Variants in BPIFC observed in about 807,000 individuals in gnomAD.
The protein encoded by BPIFC is BPI fold-containing family C protein.
In BPIFC, 60 loss-of-function variants were observed where a neutral mutation model predicts 57.6. That is an observed-to-expected ratio of 1.04 (90% CI 0.85 to 1.29). The LOEUF is 1.29. Among genes scored for constraint, BPIFC ranks in the 50% most tolerant of loss-of-function variants. The pLI, the probability that BPIFC is intolerant of heterozygous loss-of-function variation, is 0.00. For synonymous variants in BPIFC, 243 were observed against 224.5 expected (o/e 1.08, Z -0.74); for missense variants, 581 against 600.5 (o/e 0.97, Z 0.34).
chr22:32,457,500 A>C (rs1935064877), intron 2 of BPIFC, 114 bp from the exon 3 acceptor site: 9 of 1,194,526 alleles, frequency 7.5e-6, no homozygotes, highest in African/African-American at 3.1e-5. Flanking sequence ...AGAACTCAAT[A>C]CATCCATCCA....
chr22:32,447,624 T>TTTTTG (rs1934766712), intron 4 of BPIFC, among the ~76,000 whole-genome samples: 1 of 151,046 alleles, frequency 6.6e-6, no homozygotes, highest in Non-Finnish European at 1.5e-5. Flanking sequence ...TTTTTTTTTT[T>TTTTTG]GAGACAGGGT....
At chr22:32,415,763 A>C in intron 16 of BPIFC, 152 bp downstream of exon 16, 1 of 533,374 alleles carries the variant, frequency 1.9e-6, no homozygotes, top group South Asian at 2.7e-5. Context: ...TTGTGATTTA[A>C]GAACTAAACA....
At chr22:32,436,194 T>G (rs1225042907) in intron 9 of BPIFC, among the ~76,000 whole-genome samples, 1 of 152,158 alleles carries the variant, frequency 6.6e-6, no homozygotes, top group Non-Finnish European at 1.5e-5. Context: ...CTTGGGAGGC[T>G]GAGTGAGGTG....
At chr22:32,461,306 GGGGAGCAGTGTT>G (rs1935155702) in intron 2 of BPIFC, among the ~76,000 whole-genome samples, 1 of 152,196 alleles carries the variant, frequency 6.6e-6, no homozygotes, top group South Asian at 2.1e-4. Context: ...GAGGGAAACT[GGGGAGCAGTGTT>G]GGGAGCAGAG....
chr22:32,426,883 CTCTG>C, intron 13 of BPIFC, among the ~76,000 whole-genome samples: 4 of 131,810 alleles, frequency 3.0e-5, no homozygotes, highest in Middle Eastern at 7.6e-3. Flanking sequence ...CAGAGCAAGA[CTCTG>C]TCTGAAAAAA....
At chr22:32,422,166 T>G (rs1256783235) in intron 13 of BPIFC, among the ~76,000 whole-genome samples, 1 of 152,160 alleles carries the variant, frequency 6.6e-6, no homozygotes, top group Non-Finnish European at 1.5e-5. Context: ...AAGGAGATGA[T>G]GTCTGTGTTT....
At chr22:32,440,938 G>A (rs770542675) in intron 8 of BPIFC, among the ~76,000 whole-genome samples, 4 of 151,888 alleles carry the variant, frequency 2.6e-5, no homozygotes, top group African/African-American at 4.8e-5. Context: ...AAGCCAGACC[G>A]ATCTCCTTAA....
chr22:32,461,242 A>G (rs1935154109), intron 2 of BPIFC, among the ~76,000 whole-genome samples: 1 of 152,238 alleles, frequency 6.6e-6, no homozygotes, highest in Non-Finnish European at 1.5e-5. Flanking sequence ...TTATGAATCC[A>G]GCATGATATT....
At chr22:32,415,792 G>T in intron 16 of BPIFC, 123 bp downstream of exon 16, 1 of 606,650 alleles carries the variant, frequency 1.6e-6, no homozygotes. Context: ...AGATTCCCTG[G>T]TCTGGGAAAA....
rs201530292 is a variant in BPIFC at position 32,453,406 on chromosome 22, A to G, written c.222T>C (p.Asp74=). 1.3e-5 allele frequency: 21 copies of G among 1,591,290 alleles called. No homozygotes were observed. The Admixed American group carries it at 2.6e-4, about 20-fold the overall frequency. The change falls in exon 4 of 17, where the codon GAT becomes GAC. Residue 74 remains aspartate (D), a synonymous_variant. Coordinates refer to ENST00000300399, the MANE Select transcript of BPIFC (RefSeq NM_174932.3). Reference sequence around the variant, plus strand: ...ACTTTGAAAAATTGTAGTTTACATAATCAACTTTTAGAAATTCAAGAGACT... The same window carrying G: ...ACTTTGAAAAATTGTAGTTTACATAGTCAACTTTTAGAAATTCAAGAGACT... ...GSESLEFLKV[D]YVNYNFSNIK...
intron 13 of BPIFC, among the ~76,000 whole-genome samples, chr22:32,421,565 G>C (rs547474722): frequency 1.3e-5 from 2 of 152,234 alleles, no homozygotes; most frequent in African/African-American, 4.8e-5. Flanking sequence ...TACGTTACAG[G>C]CATGTCTGAT....
chr22:32,462,785 A>G (rs1276469169), intron 1 of BPIFC, among the ~76,000 whole-genome samples: 2 of 152,168 alleles, frequency 1.3e-5, no homozygotes, highest in Admixed American at 6.5e-5. Flanking sequence ...TTCATCTGGG[A>G]ATTTTAAATA....
chr22:32,429,562 GC>G (rs1468481611), intron 13 of BPIFC, among the ~76,000 whole-genome samples: 3 of 138,570 alleles, frequency 2.2e-5, no homozygotes, highest in Admixed American at 7.9e-5. Context: ...TGTTGCCCAG[GC>G]TGGAGTGCAG....
At chr22:32,439,636 A>ACAG (rs2145940855) in intron 8 of BPIFC, among the ~76,000 whole-genome samples, 2 of 151,388 alleles carry the variant, frequency 1.3e-5, no homozygotes, top group African/African-American at 4.8e-5. Context: ...TTTTTTTGAG[A>ACAG]CAGAGTCTTG....
chr22:32,453,888 G>A (rs1395281607), intron 3 of BPIFC, among the ~76,000 whole-genome samples: 2 of 151,916 alleles, frequency 1.3e-5, no homozygotes, highest in Non-Finnish European at 2.9e-5. Flanking sequence ...TTTGAAACCA[G>A]TCTGGGAAAC....
In BPIFC at chr22:32,447,334, T is replaced by C; in HGVS notation, c.252A>G (p.Lys84=). Residue 84 remains lysine, a synonymous_variant, in exon 5 of 17, where the codon AAA becomes AAG. Coordinates refer to ENST00000300399, the MANE Select transcript of BPIFC (RefSeq NM_174932.3). ...DYVNYNFSNI[K]ISAFSFPNTS... is the part of the protein sequence containing the mutation. The stretch of plus-strand genomic sequence containing the variant: ...TATTTGGAAATGAAAAGGCACTGAT[T>C]TTTATACTGTAAAACCAGAAACAAG... 7 of 1,612,316 alleles carry C rather than the reference T, an allele frequency of 4.3e-6. No individual in the cohort carries two copies. Among genetic ancestry groups the C allele is most frequent in the Non-Finnish European group, 5.9e-6 (7 of 1,179,462 alleles).
chr22:32,418,069 T>C (rs187262649), intron 14 of BPIFC, among the ~76,000 whole-genome samples: 26 of 152,206 alleles, frequency 1.7e-4, no homozygotes, highest in African/African-American at 6.0e-4. Context: ...TTACCGTAAA[T>C]ATGAAAACAC....
intron 13 of BPIFC, 26 bp downstream of exon 13, chr22:32,431,321 C>A: frequency 6.3e-7 from 1 of 1,589,398 alleles, no homozygotes; most frequent in Non-Finnish European, 8.6e-7. Flanking sequence ...CTAAGGTGCC[C>A]CAACAGTCAA....
At chr22:32,421,217 TA>T (rs1186845823) in intron 13 of BPIFC, among the ~76,000 whole-genome samples, 1 of 152,190 alleles carries the variant, frequency 6.6e-6, no homozygotes, top group African/African-American at 2.4e-5. Context: ...AGCTGATCCA[TA>T]AGTAGTCCTC....
Sources: gnomAD v4.1 joint callset for allele counts (sites outside exome capture counted in the v4.1 genomes callset) on GRCh38, gnomAD v4.1.1 for gene constraint, MANE v1.5 for transcripts, NCBI Gene and HGNC (gene_info 2026-07-23, HGNC 2026-07-21) for gene names.